MICAL3: variants seen among roughly 807,000 people sequenced by gnomAD.
MICAL3 encodes [F-actin]-monooxygenase MICAL3.
MICAL3 carries 62 observed loss-of-function variants against 207.4 expected under a neutral mutation model. That is an observed-to-expected ratio of 0.30 (90% CI 0.24 to 0.37). The LOEUF (loss-of-function observed/expected upper bound fraction) is 0.37. Among genes scored for constraint, MICAL3 ranks in the 10% least tolerant of loss-of-function variants. The pLI, the probability that MICAL3 is intolerant of heterozygous loss-of-function variation, is 1.00. For missense variants in MICAL3, 2,368 were observed against 2,635.6 expected (o/e 0.90, Z 2.22); for synonymous variants, 1,077 against 1,069.3 (o/e 1.01, Z -0.14).
intron 27 of MICAL3, chr22:17,811,268 C>A: frequency 6.5e-6 from 1 of 155,004 alleles, no homozygotes; most frequent in Non-Finnish European, 1.4e-5. Flanking sequence ...TTCTAGGAGG[C>A]TTACAGGGGA....
At chr22:17,859,474 G>A (rs1241854627) in intron 19 of MICAL3, among the ~76,000 whole-genome samples, 3 of 152,226 alleles carry the variant, frequency 2.0e-5, no homozygotes, top group Non-Finnish European at 2.9e-5. Context: ...ACAGTGCCAC[G>A]GCTGCTAATG....
chr22:17,876,697 GGGTTATGGAGGTTAGGGA>G (rs1270371841), intron 16 of MICAL3: 98 of 130,562 alleles, frequency 7.5e-4, no homozygotes, highest in African/African-American at 1.9e-3. Context: ...TACACATGCA[GGGTTATGGAGGTTAGGGA>G]GGTTATGGAG....
At chr22:17,846,954 G>A (rs924666747) in intron 19 of MICAL3, among the ~76,000 whole-genome samples, 2 of 152,218 alleles carry the variant, frequency 1.3e-5, no homozygotes, top group Non-Finnish European at 2.9e-5. Context: ...GCCTGCATGA[G>A]CTCCACACAT....
At chr22:17,896,702 T>G (rs554991152) in intron 8 of MICAL3, 22 bp downstream of exon 8, 1 of 1,609,614 alleles carries the variant, frequency 6.2e-7, no homozygotes, top group East Asian at 2.2e-5. Flanking sequence ...TACCACAGAG[T>G]GCTGCCATGC....
At chr22:17,936,289 G>C (rs1045356031) in intron 1 of MICAL3, among the ~76,000 whole-genome samples, 1 of 152,138 alleles carries the variant, frequency 6.6e-6, no homozygotes, top group African/African-American at 2.4e-5. Context: ...CATGGATGAA[G>C]CTGGAAACCA....
chr22:17,837,292 C>G (rs2542334), intron 20 of MICAL3, among the ~76,000 whole-genome samples: 1 of 152,104 alleles, frequency 6.6e-6, no homozygotes, highest in African/African-American at 2.4e-5. Context: ...TTCTCCCACT[C>G]GTGGTGTTAT....
intron 16 of MICAL3, among the ~76,000 whole-genome samples, chr22:17,874,488 C>CTGAACTAAACCATCTGGGTTTAGT (rs973030775): frequency 1.3e-5 from 2 of 152,198 alleles, no homozygotes; most frequent in East Asian, 1.9e-4. Context: ...CCCTTTTCTC[C>CTGAACTAAACCATCTGGGTTTAGT]TGAACTAAAC....
At position 17,976,583 on chromosome 22, in the gene MICAL3, A is replaced by AT. The variant is rs1214780677; in HGVS notation, c.-75+47697dup. On this transcript the variant is annotated intron_variant, in intron 1 of 31. Coordinates refer to ENST00000441493, the MANE Select transcript of MICAL3 (RefSeq NM_015241.3). ...TGTGTATATATATATATATATATAT[A>AT]TATATATTTTTTTTTTTTTTTTTTG... Among the ~76,000 whole-genome samples, 866 of 87,522 alleles carry AT rather than the reference A, an allele frequency of 9.9e-3. 14 individuals carry two copies. Among genetic ancestry groups the AT allele is most frequent in the East Asian group, 0.023 (60 of 2,654 alleles). 57.4% of individuals were successfully genotyped at this position (87,522 alleles called of 152,430 possible). A position where few individuals can be genotyped will look rare whatever the true frequency, so the allele number is the denominator to read the frequency against.
intron 19 of MICAL3, among the ~76,000 whole-genome samples, chr22:17,853,748 A>G (rs1015191428): frequency 6.6e-6 from 1 of 152,198 alleles, no homozygotes; most frequent in African/African-American, 2.4e-5. Context: ...TGCTGGTTCC[A>G]TTGAGACCCA....
At chr22:17,991,753 C>T (rs1921706170) in intron 1 of MICAL3, among the ~76,000 whole-genome samples, 1 of 152,160 alleles carries the variant, frequency 6.6e-6, no homozygotes, top group South Asian at 2.1e-4. Context: ...CGGTATCTCA[C>T]TCATCATATC....
At chr22:17,986,490 A>G (rs1429842019) in intron 1 of MICAL3, among the ~76,000 whole-genome samples, 3 of 152,168 alleles carry the variant, frequency 2.0e-5, no homozygotes, top group African/African-American at 7.2e-5. Context: ...ACTGCACTCC[A>G]GCCTGGGCAA....
chr22:17,911,543 G>T (rs118186439), intron 1 of MICAL3, among the ~76,000 whole-genome samples: 1 of 152,108 alleles, frequency 6.6e-6, no homozygotes, highest in Non-Finnish European at 1.5e-5. Flanking sequence ...TCTTGAAAGC[G>T]GGTGGAAGGC....
chr22:17,817,690 G>T lies in MICAL3; in HGVS notation c.4971C>A (p.Gly1657=). Residue 1657 remains glycine (G), a synonymous_variant, in exon 26 of 32, where the codon GGC becomes GGA. Transcript: ENST00000441493. ...CATGCTTCAGGGTGGGCTCCTCGGA[G>T]CCCCTGAGAGTGGGGCGTGTGGGGG... ...PDSPTRPTLR[G]SEEPTLKHEA... The T allele has an allele frequency of 1.2e-6, 2 of 1,605,474 alleles. No individual in the cohort carries two copies. Among genetic ancestry groups the T allele is most frequent in the Non-Finnish European group, 8.5e-7 (1 of 1,176,926 alleles).
chr22:18,011,358 A>T (rs1923710042), intron 1 of MICAL3, among the ~76,000 whole-genome samples: 1 of 151,954 alleles, frequency 6.6e-6, no homozygotes, highest in Non-Finnish European at 1.5e-5. Context: ...CAGCCTGATC[A>T]ACGTGGTGAA....
At chr22:17,928,538 C>T (rs1475721933) in intron 1 of MICAL3, among the ~76,000 whole-genome samples, 2 of 152,208 alleles carry the variant, frequency 1.3e-5, no homozygotes, top group African/African-American at 4.8e-5. Context: ...CATTCACTCA[C>T]TGAGATAAGA....
intron 13 of MICAL3, among the ~76,000 whole-genome samples, chr22:17,887,682 A>C (rs1319617062): frequency 6.6e-6 from 1 of 152,184 alleles, no homozygotes; most frequent in Non-Finnish European, 1.5e-5. Context: ...AATCTACTAC[A>C]GTTACCAAAA....
chr22:17,810,267 G>C (rs562946688), intron 28 of MICAL3, among the ~76,000 whole-genome samples: 1 of 152,004 alleles, frequency 6.6e-6, no homozygotes, highest in Non-Finnish European at 1.5e-5. Flanking sequence ...GTTTCACCGT[G>C]TTAGCCAGGA....
intron 1 of MICAL3, among the ~76,000 whole-genome samples, chr22:18,022,415 G>A (rs943729727): frequency 8.9e-5 from 13 of 146,108 alleles, no homozygotes; most frequent in East Asian, 2.2e-4. Context: ...ACTGCATTCC[G>A]ACCTGCACCC....
At chr22:17,863,171 G>A in intron 19 of MICAL3, 1 of 985,434 alleles carries the variant, frequency 1.0e-6, no homozygotes, top group Non-Finnish European at 1.2e-6. Context: ...ACCTCGACCA[G>A]ATGGGAAAGT....
Sources: gnomAD v4.1 joint callset for allele counts (sites outside exome capture counted in the v4.1 genomes callset) on GRCh38, gnomAD v4.1.1 for gene constraint, MANE v1.5 for transcripts, NCBI Gene and HGNC (gene_info 2026-07-23, HGNC 2026-07-21) for gene names.